The following SDK1 variants were observed in gnomAD, a reference collection of about 807,000 sequenced individuals.
SDK1 encodes the protein sidekick cell adhesion molecule 1.
SDK1 carries 157 observed loss-of-function variants against 245.5 expected under a neutral mutation model. The observed-to-expected ratio is 0.64, with a 90% confidence interval of 0.56 to 0.73. SDK1 has a LOEUF of 0.73. Among genes scored for constraint, SDK1 ranks in the 30% least tolerant of loss-of-function variants. SDK1 has a pLI of 0.00. For missense variants in SDK1, 3,583 were observed against 3,002.3 expected, an observed-to-expected ratio of 1.19 and a Z score of -4.52; for synonymous variants, 1,647 against 1,278.5, an observed-to-expected ratio of 1.29 and a Z score of -6.15.
chr7:3,889,480 C>T (rs1267576441), intron 5 of SDK1, among the ~76,000 whole-genome samples: 1 of 152,012 alleles, frequency 6.6e-6, no homozygotes, highest in African/African-American at 2.4e-5. Context: ...GCATGCCCTA[C>T]AGTGGTACCA....
At chr7:3,926,257 C>A (rs1449026984) in intron 5 of SDK1, among the ~76,000 whole-genome samples, 1 of 152,108 alleles carries the variant, frequency 6.6e-6, no homozygotes, top group African/African-American at 2.4e-5. Flanking sequence ...AACCCTCAGC[C>A]AGAAGGAATG....
At chr7:3,540,971 AT>A (rs1779036835) in intron 1 of SDK1, among the ~76,000 whole-genome samples, 1 of 152,134 alleles carries the variant, frequency 6.6e-6, no homozygotes, top group African/African-American at 2.4e-5. Flanking sequence ...AGGAAGTTTT[AT>A]TTTACTGGAG....
intron 1 of SDK1, among the ~76,000 whole-genome samples, chr7:3,543,125 A>G (rs1426526561): frequency 1.3e-5 from 2 of 152,240 alleles, no homozygotes; most frequent in East Asian, 1.9e-4. Flanking sequence ...TATGTCTCCA[A>G]AGTAACGGAG....
At position 4,175,724 on chromosome 7, in the gene SDK1, T is replaced by C. The variant is rs747484837; in HGVS notation, c.4937-51T>C. ...TGTTCCTGCCGCACATCACCTGCGATGGCCGTGTCCCTGCGTGCTAACCAC... is the reference window on the plus strand; with the variant it reads ...TGTTCCTGCCGCACATCACCTGCGACGGCCGTGTCCCTGCGTGCTAACCAC... On this transcript the variant is annotated intron_variant, in intron 33 of 44. Coordinates refer to ENST00000404826, the MANE Select transcript of SDK1 (RefSeq NM_152744.4). 7.5e-6 allele frequency: 11 copies of C among 1,474,770 alleles called. No individual in the cohort carries two copies. In the East Asian group the frequency reaches 2.3e-4, roughly 30 times the overall value. The allele number at this position is 1,474,770 out of a possible 1,614,324, so 91.4% of individuals were successfully genotyped here.
chr7:4,218,076 A>G (rs761814851), intron 38 of SDK1, among the ~76,000 whole-genome samples: 3 of 152,202 alleles, frequency 2.0e-5, no homozygotes, highest in Non-Finnish European at 2.9e-5. Context: ...ATTCCTCTAC[A>G]GGAAAACCCA....
chr7:3,305,600 C>T (rs1779396008), intron 1 of SDK1, among the ~76,000 whole-genome samples: 2 of 152,188 alleles, frequency 1.3e-5, no homozygotes. Context: ...CCCTTTACAA[C>T]TTTGTAATTT....
intron 1 of SDK1, among the ~76,000 whole-genome samples, chr7:3,437,819 A>C (rs1376033821): frequency 6.6e-6 from 1 of 152,212 alleles, no homozygotes; most frequent in Non-Finnish European, 1.5e-5. Context: ...CAGATACCTT[A>C]GTGGAAGCTT....
At position 4,183,505 on chromosome 7, in the gene SDK1, C is replaced by G. The variant is rs181501174; in HGVS notation, c.5098+4919C>G. On this transcript the variant is annotated intron_variant, in intron 35 of 44. Coordinates refer to ENST00000404826, the MANE Select transcript of SDK1 (RefSeq NM_152744.4). Reference sequence around the variant, plus strand: ...AAAAAATTAGCTGGGCATGGTGGTGCATGCCTGTAACCCCAGCTACTCGGG... The same window carrying G: ...AAAAAATTAGCTGGGCATGGTGGTGGATGCCTGTAACCCCAGCTACTCGGG... Among the ~76,000 whole-genome samples the G allele has an allele frequency of 7.9e-5, 12 of 152,110 alleles. No individual in the cohort carries two copies. The East Asian group carries it at 2.3e-3, about 30-fold the overall frequency.
intron 4 of SDK1, among the ~76,000 whole-genome samples, chr7:3,659,313 C>T (rs901660617): frequency 5.3e-5 from 8 of 152,076 alleles, no homozygotes; most frequent in Admixed American, 3.9e-4. Context: ...CTCAGAATTT[C>T]CAGCCTGGTA....
intron 1 of SDK1, among the ~76,000 whole-genome samples, chr7:3,575,808 T>C (rs1780268158): frequency 6.6e-6 from 1 of 151,998 alleles, no homozygotes; most frequent in Admixed American, 6.6e-5. Flanking sequence ...CAAAACACAA[T>C]AGCGTTTGTC....
chr7:3,706,923 T>C (rs1784908392), intron 4 of SDK1, among the ~76,000 whole-genome samples: 1 of 152,230 alleles, frequency 6.6e-6, no homozygotes, highest in African/African-American at 2.4e-5. Flanking sequence ...GTTTTATTAC[T>C]AATTGAGTTT....
intron 1 of SDK1, among the ~76,000 whole-genome samples, chr7:3,357,480 A>T (rs752759038): frequency 2.7e-5 from 4 of 149,586 alleles, no homozygotes; most frequent in African/African-American, 7.4e-5. Flanking sequence ...TCTCCCTGGC[A>T]TCTGGGTTTC....
chr7:3,844,230 C>G (rs1234589933), intron 5 of SDK1, among the ~76,000 whole-genome samples: 1 of 152,180 alleles, frequency 6.6e-6, no homozygotes, highest in Non-Finnish European at 1.5e-5. Flanking sequence ...CTCAGCCTCC[C>G]AAAATGCTGG....
chr7:3,820,729 C>T (rs955547063), intron 4 of SDK1, among the ~76,000 whole-genome samples: 2 of 152,238 alleles, frequency 1.3e-5, no homozygotes, highest in East Asian at 3.8e-4. Flanking sequence ...AGCAACTTAA[C>T]TTCTGTGAGC....
chr7:4,031,464 A>G (rs1227108358), intron 17 of SDK1, among the ~76,000 whole-genome samples: 5 of 152,192 alleles, frequency 3.3e-5, no homozygotes, highest in African/African-American at 4.8e-5. Context: ...CTAAGGTTCT[A>G]TGTAAACGTC....
At chr7:3,596,112 C>G (rs946568425) in intron 1 of SDK1, among the ~76,000 whole-genome samples, 1 of 151,996 alleles carries the variant, frequency 6.6e-6, no homozygotes, top group African/African-American at 2.4e-5. Context: ...AATTCCAAAT[C>G]TGAAATGCTC....
intron 1 of SDK1, among the ~76,000 whole-genome samples, chr7:3,367,337 GAAAAT>G (rs1375234546): frequency 3.9e-5 from 6 of 152,074 alleles, no homozygotes; most frequent in Non-Finnish European, 8.8e-5. Flanking sequence ...GAATAGAATA[GAAAAT>G]AAAATAGAAA....
At chr7:4,207,528 C>A (rs1270322880) in intron 36 of SDK1, among the ~76,000 whole-genome samples, 2 of 152,192 alleles carry the variant, frequency 1.3e-5, no homozygotes, top group African/African-American at 4.8e-5. Context: ...ACATAGTTCT[C>A]CTGCCTGTTG....
At chr7:3,486,499 C>G (rs1453833962) in intron 1 of SDK1, among the ~76,000 whole-genome samples, 1 of 151,986 alleles carries the variant, frequency 6.6e-6, no homozygotes, top group Non-Finnish European at 1.5e-5. Context: ...ACTAAGTTTA[C>G]TTATTTTCAA....
Sources: gnomAD v4.1 joint callset for allele counts (sites outside exome capture counted in the v4.1 genomes callset) on GRCh38, gnomAD v4.1.1 for gene constraint, MANE v1.5 for transcripts, NCBI Gene and HGNC (gene_info 2026-07-23, HGNC 2026-07-21) for gene names.